JMJD6: variants seen among roughly 807,000 people sequenced by gnomAD.
The protein encoded by JMJD6 is bifunctional arginine demethylase and lysyl-hydroxylase JMJD6.
JMJD6 carries 17 observed loss-of-function variants against 45.8 expected under a neutral mutation model. That is an observed-to-expected ratio of 0.37 (90% CI 0.25 to 0.56). The LOEUF (loss-of-function observed/expected upper bound fraction) is 0.56, where lower values mean the gene tolerates loss of function less well. Ranked by LOEUF, JMJD6 falls within the 20% of genes least tolerant of loss-of-function variation. JMJD6 has a pLI of 0.79. For missense variants in JMJD6, 470 were observed against 517.5 expected (o/e 0.91, Z 0.89); for synonymous variants, 221 against 196.3 (o/e 1.13, Z -1.05).
intron 4 of JMJD6, among the ~76,000 whole-genome samples, chr17:76,720,879 C>G (rs1024681582): frequency 6.6e-6 from 1 of 152,178 alleles, no homozygotes; most frequent in Non-Finnish European, 1.5e-5. Flanking sequence ...TTAAAAAAAT[C>G]TTTCCTTTCC....
downstream of JMJD6, chr17:76,715,558 CA>C (rs2076757962): frequency 6.6e-6 from 1 of 152,194 alleles, no homozygotes; most frequent in African/African-American, 2.4e-5. Context: ...TGAGAGGCAA[CA>C]GCACACAATT....
In JMJD6 at chr17:76,720,432, T is replaced by C; in HGVS notation, c.1008A>G (p.Thr336=). Residue 336 remains threonine, a synonymous_variant, in exon 5 of 6, where the codon ACA becomes ACG. Coordinates refer to ENST00000397625, the MANE Select transcript of JMJD6 (RefSeq NM_015167.3). ...LADSVDLQES[T]GIASDSSSDS... ...CGCTGGAGCTGTCGGAAGCTATCCC[T>C]GTGGACTCCTGAAGGTCAACCGAGT... The C allele has an allele frequency of 1.9e-6, 3 of 1,614,066 alleles. No homozygotes were observed. Among genetic ancestry groups the C allele is most frequent in the Non-Finnish European group, 1.7e-6 (2 of 1,179,932 alleles).
chr17:76,715,074 AGAG>A (rs1393267300), downstream of JMJD6: 2 of 152,274 alleles, frequency 1.3e-5, no homozygotes, highest in African/African-American at 2.4e-5. Flanking sequence ...ACTGAAGTTT[AGAG>A]GAGTTGTTGA....
chr17:76,721,497 C>G (rs2076823501), intron 4 of JMJD6: 1 of 392,476 alleles, frequency 2.5e-6, no homozygotes. Flanking sequence ...ATGATTTTAG[C>G]TAGCGCTAGC....
In JMJD6 at chr17:76,718,728, G is replaced by T. The variant is rs781268877; in HGVS notation, c.*1C>A. ...TCCATACAGACAACAGCCTTGCTGG[G>T]TCACCTGGAGGAGCTGCGCTCTTTG... On this transcript the variant is annotated 3_prime_UTR_variant, in exon 6 of 6. Transcript: ENST00000397625. 2 of 1,613,868 alleles carry T rather than the reference G, an allele frequency of 1.2e-6. No homozygotes were observed. Among genetic ancestry groups the T allele is most frequent in the African/African-American group, 2.7e-5 (2 of 75,072 alleles).
At chr17:76,712,882 A>C (rs1239717824) in exon 7 of JMJD6, 1 of 152,248 alleles carries the variant, frequency 6.6e-6, no homozygotes, top group Non-Finnish European at 1.5e-5. Flanking sequence ...GTTTCACCCA[A>C]GTGAAAGTTT....
chr17:76,721,975 A>G lies in JMJD6; in HGVS notation c.806-42T>C, dbSNP rs541739098. The stretch of plus-strand genomic sequence containing the variant: ...AAACAGTTAAACAAGGTTTGATCCT[A>G]TACCTAATTACTGTATAACACACAC... On this transcript the variant is annotated intron_variant, in intron 3 of 5. Coordinates refer to ENST00000397625, the MANE Select transcript of JMJD6 (RefSeq NM_015167.3). 1.1e-5 allele frequency: 17 copies of G among 1,607,986 alleles called. No homozygotes were observed. In the East Asian group the frequency reaches 3.6e-4, roughly 34 times the overall value.
chr17:76,720,656 G>A (rs2143725531), intron 4 of JMJD6, 158 bp from the exon 5 acceptor site: 2 of 651,636 alleles, frequency 3.1e-6, no homozygotes, highest in Non-Finnish European at 5.2e-6. Flanking sequence ...AAAACCCCAG[G>A]CTGGGAACAA....
At chr17:76,714,395 G>C (rs183264501), downstream of JMJD6, 12 of 152,326 alleles carry the variant, frequency 7.9e-5, no homozygotes, top group African/African-American at 2.9e-4. Context: ...CTTTACTGTT[G>C]TTGGCACCAT....
In JMJD6 at chr17:76,725,570, C is replaced by T; in HGVS notation, c.415G>A (p.Glu139Lys). ...AAAAGTTTCCTTCTTTTAGGGTGTT[C>T]ACCATAGCTGCTGTCAAAGATGTAA... ...PLYIFDSSYG[E>K]HPKRRKLLED... The change falls in exon 2 of 6, where the codon GAA becomes AAA. Residue 139 changes from glutamate to lysine, a missense_variant. Physicochemically the swap from Glu to Lys is moderately conservative, Grantham distance 56. Coordinates refer to ENST00000397625, the MANE Select transcript of JMJD6 (RefSeq NM_015167.3). The T allele has an allele frequency of 6.2e-7, 1 of 1,614,106 alleles. No homozygotes were observed. The highest frequency in any genetic ancestry group is 8.5e-7 in the Non-Finnish European group (1 of 1,180,014).
At chr17:76,717,818 G>GTC (rs1555646643), downstream of JMJD6, among the ~76,000 whole-genome samples, 1 of 138,838 alleles carries the variant, frequency 7.2e-6, no homozygotes, top group Non-Finnish European at 1.6e-5. Flanking sequence ...GTGAAACCCT[G>GTC]TCTCTACTAA....
rs1403684218 is a variant in JMJD6, at chr17:76,723,966, T to A, written c.611A>T (p.Lys204Met). The change falls in exon 3 of 6, where the codon AAG becomes ATG. Residue 204 changes from lysine (K) to methionine (M), a missense_variant. Physicochemically the swap from Lys to Met is moderately conservative, Grantham distance 95. This residue lies in a region of JMJD6 where 346 missense variants were observed against 339.5 expected (regional missense o/e 1.02). Coordinates refer to ENST00000397625, the MANE Select transcript of JMJD6 (RefSeq NM_015167.3). ...GCTGGTAGGAAACAGGCACCAGCGC[T>A]TGTGGCCCTGAACTAAGGCATTCCA... The part of the protein sequence containing the change: ...SAWNALVQGH[K>M]RWCLFPTSTP... 1 of 1,614,160 alleles carries A rather than the reference T, an allele frequency of 6.2e-7. No homozygotes were observed.
chr17:76,716,604 G>T (rs1001772584), downstream of JMJD6: 20 of 1,252,350 alleles, frequency 1.6e-5, no homozygotes, highest in Non-Finnish European at 2.0e-5. Context: ...GGAGAAGGTA[G>T]GAGCAGAAGA....
intron 4 of JMJD6, 140 bp from the exon 5 acceptor site, chr17:76,720,638 G>A (rs1328142064): frequency 2.6e-6 from 2 of 761,156 alleles, no homozygotes; most frequent in Admixed American, 2.4e-5. Context: ...CTGTACAATG[G>A]TGAGGACAAA....
downstream of JMJD6, among the ~76,000 whole-genome samples, chr17:76,717,733 G>A (rs1032111991): frequency 4.6e-5 from 7 of 151,952 alleles, no homozygotes; most frequent in Non-Finnish European, 7.4e-5. Context: ...GCTCACATCT[G>A]TAATACCAGC....
downstream of JMJD6, chr17:76,716,665 A>T: frequency 6.2e-7 from 1 of 1,613,636 alleles, no homozygotes; most frequent in South Asian, 1.1e-5. Context: ...AAAGCACCTC[A>T]GGGAGAGTCT....
Position 76,725,851 on chromosome 17 carries a change from T to C in JMJD6, c.134A>G (p.Asn45Ser). The change falls in exon 2 of 6, where the codon AAC becomes AGC. Residue 45 changes from asparagine (N) to serine (S), a missense_variant. This residue lies in a region of JMJD6 where 346 missense variants were observed against 339.5 expected (regional missense o/e 1.02). Coordinates refer to ENST00000397625, the MANE Select transcript of JMJD6 (RefSeq NM_015167.3). ...FSLSPAAVAD[N>S]VERADALQLS... Reference sequence around the variant, plus strand: ...CTGTAAAGCATCTGCCCTTTCCACGTTATCCTGAGGGAATTAAAAAAGACC... The same window carrying C: ...CTGTAAAGCATCTGCCCTTTCCACGCTATCCTGAGGGAATTAAAAAAGACC... 1 of 1,605,972 alleles carries C rather than the reference T, an allele frequency of 6.2e-7. No homozygotes were observed. Among genetic ancestry groups the C allele is most frequent in the East Asian group, 2.2e-5 (1 of 44,788 alleles).
downstream of JMJD6, among the ~76,000 whole-genome samples, chr17:76,717,199 C>T (rs745715331): frequency 3.3e-5 from 5 of 152,164 alleles, no homozygotes; most frequent in Non-Finnish European, 5.9e-5. Context: ...ACCCTATGAA[C>T]GTCAGTATTA....
rs192242816 is a variant in JMJD6 at position 76,720,369 on chromosome 17, G to A, written c.1071C>T (p.Ser357=). Residue 357 remains serine (S), a synonymous_variant, in exon 5 of 6, where the codon TCC becomes TCT. Coordinates refer to ENST00000397625, the MANE Select transcript of JMJD6 (RefSeq NM_015167.3). ...GAGAGCAAGGCCTCACCTCTGAGTC[G>A]GAGTCTGACGAACTGGAGCTGGAGG... is the stretch of plus-strand genomic sequence containing the variant. The part of the protein sequence containing the change: ...SSSSSSSSSD[S]DSECESGSEG... The A allele has an allele frequency of 6.1e-5, 99 of 1,614,054 alleles. No homozygotes were observed. The highest frequency in any genetic ancestry group is 5.0e-4 in the Middle Eastern group (3 of 6,042).
Sources: gnomAD v4.1 joint callset for allele counts (sites outside exome capture counted in the v4.1 genomes callset) on GRCh38, gnomAD v4.1.1 for gene constraint, gnomAD v4.1.1 regional missense constraint, MANE v1.5 for transcripts, NCBI Gene and HGNC (gene_info 2026-07-23, HGNC 2026-07-21) for gene names.